The following AK5 variants were observed in gnomAD, a reference collection of about 807,000 sequenced individuals.
AK5 encodes adenylate kinase isoenzyme 5.
In AK5, 27 loss-of-function variants were observed where a neutral mutation model predicts 69.5. That is an observed-to-expected ratio of 0.39 (90% CI 0.29 to 0.54). The LOEUF is 0.54. Ranked by LOEUF, AK5 falls within the 20% of genes least tolerant of loss-of-function variation. AK5 has a pLI of 0.71. For missense variants in AK5, 531 were observed against 700.4 expected, an observed-to-expected ratio of 0.76 and a Z score of 2.73; for synonymous variants, 260 against 244.4, an observed-to-expected ratio of 1.06 and a Z score of -0.60.
intron 12 of AK5, 64 bp from the exon 13 acceptor site, chr1:77,535,783 G>A: frequency 6.7e-7 from 1 of 1,484,824 alleles, no homozygotes; most frequent in South Asian, 1.3e-5. Context: ...AGAGGCCCTG[G>A]GCCTTTCCAG....
chr1:77,331,149 T>C (rs968696512), intron 5 of AK5, among the ~76,000 whole-genome samples: 1 of 152,098 alleles, frequency 6.6e-6, no homozygotes, highest in African/African-American at 2.4e-5. Flanking sequence ...ATATATACAA[T>C]CATATCATAT....
intron 2 of AK5, among the ~76,000 whole-genome samples, chr1:77,292,149 G>A (rs982463067): frequency 6.6e-6 from 1 of 152,200 alleles, no homozygotes; most frequent in Non-Finnish European, 1.5e-5. Context: ...TGCAAATAAA[G>A]TCTTGTGAGT....
intron 12 of AK5, among the ~76,000 whole-genome samples, chr1:77,528,603 C>T (rs1353477192): frequency 6.6e-6 from 1 of 152,172 alleles, no homozygotes; most frequent in Non-Finnish European, 1.5e-5. Flanking sequence ...CTTCTATTCC[C>T]CAAGCTGGTT....
At chr1:77,485,100 T>G (rs1655506371) in intron 9 of AK5, among the ~76,000 whole-genome samples, 1 of 152,252 alleles carries the variant, frequency 6.6e-6, no homozygotes, top group African/African-American at 2.4e-5. Context: ...TTCCACATGT[T>G]AGGAACACCA....
intron 12 of AK5, among the ~76,000 whole-genome samples, chr1:77,527,830 C>T (rs182820235): frequency 6.6e-6 from 1 of 152,288 alleles, no homozygotes; most frequent in Non-Finnish European, 1.5e-5. Flanking sequence ...GAGGCCGAGG[C>T]GGGCAGATCA....
chr1:77,440,853 G>T (rs780546251), intron 8 of AK5, among the ~76,000 whole-genome samples: 3 of 152,092 alleles, frequency 2.0e-5, no homozygotes, highest in Non-Finnish European at 4.4e-5. Flanking sequence ...CCAGGTTTAA[G>T]CTATTCTTCT....
chr1:77,489,255 AG>A (rs60822634), intron 10 of AK5, among the ~76,000 whole-genome samples: 28,316 of 152,140 alleles, frequency 0.19, 2,912 homozygotes, highest in African/African-American at 0.24. Flanking sequence ...TGCTGCACTG[AG>A]CAAAAGATTT....
intron 8 of AK5, among the ~76,000 whole-genome samples, chr1:77,430,356 A>G (rs562420643): frequency 6.6e-6 from 1 of 152,190 alleles, no homozygotes; most frequent in Non-Finnish European, 1.5e-5. Flanking sequence ...TTCAACTGGT[A>G]CAGCTGGGTA....
intron 5 of AK5, among the ~76,000 whole-genome samples, chr1:77,339,058 A>G (rs1661512186): frequency 1.8e-5 from 2 of 114,158 alleles, no homozygotes; most frequent in South Asian, 3.1e-4. Context: ...GTGATATGGG[A>G]AAAAAATCAT....
At chr1:77,319,536 T>C (rs1660414311) in intron 5 of AK5, among the ~76,000 whole-genome samples, 1 of 152,208 alleles carries the variant, frequency 6.6e-6, no homozygotes, top group Non-Finnish European at 1.5e-5. Context: ...CTGGTTTGAT[T>C]CCTCCAGAAT....
At chr1:77,300,626 C>G (rs1034436657) in intron 5 of AK5, among the ~76,000 whole-genome samples, 1 of 152,262 alleles carries the variant, frequency 6.6e-6, no homozygotes, top group Middle Eastern at 3.4e-3. Context: ...CTCCAATTCT[C>G]CAACACCAAC....
rs1230738530 is a variant in AK5 at position 77,554,771 on chromosome 1, A to ATTTT, written c.1621-3816_1621-3813dup. ...CAGGCGCCCGCCACCATGCCCGGCT[A>ATTTT]TTTTTTTTTTTTTTTTTTGTATTTT... is the stretch of plus-strand genomic sequence containing the variant. On this transcript the variant is annotated intron_variant, in intron 13 of 13. Transcript: ENST00000354567. Among the ~76,000 whole-genome samples, 156 of 119,672 alleles carry ATTTT rather than the reference A, an allele frequency of 1.3e-3. 2 individuals carry two copies. Among genetic ancestry groups the ATTTT allele is most frequent in the African/African-American group, 4.4e-3 (135 of 30,982 alleles). 78.5% of individuals were successfully genotyped at this position (119,672 alleles called of 152,430 possible).
chr1:77,475,014 G>C (rs1185568780), intron 8 of AK5, among the ~76,000 whole-genome samples: 2 of 151,388 alleles, frequency 1.3e-5, no homozygotes, highest in African/African-American at 4.9e-5. Flanking sequence ...TGTTTACCAG[G>C]CTGATCTTGA....
intron 13 of AK5, among the ~76,000 whole-genome samples, chr1:77,543,943 A>G (rs1659411320): frequency 6.6e-6 from 1 of 152,202 alleles, no homozygotes; most frequent in African/African-American, 2.4e-5. Context: ...ACACACACAC[A>G]CACACAGTCA....
rs576667588 is a variant in AK5 at position 77,406,806 on chromosome 1, A to G, written c.892-4175A>G. Among the ~76,000 whole-genome samples the G allele has an allele frequency of 2.0e-5, 3 of 152,236 alleles. No individual in the cohort carries two copies. In the South Asian group the frequency reaches 6.2e-4, roughly 32 times the overall value. On this transcript the variant is annotated intron_variant, in intron 6 of 13. Transcript: ENST00000354567. ...TCCTTCAGGCAGACTGGAAAACTTC[A>G]TAATTCACAAAACATGGGGAGAGGC...
intron 10 of AK5, among the ~76,000 whole-genome samples, chr1:77,513,989 C>T (rs1252712068): frequency 6.6e-6 from 1 of 152,228 alleles, no homozygotes; most frequent in African/African-American, 2.4e-5. Flanking sequence ...AATTCCCATA[C>T]AGTCTCTCCC....
intron 6 of AK5, among the ~76,000 whole-genome samples, chr1:77,407,460 T>C (rs895753165): frequency 6.6e-6 from 1 of 152,092 alleles, no homozygotes; most frequent in African/African-American, 2.4e-5. Flanking sequence ...AAATAATCTG[T>C]GGTTACAGAA....
chr1:77,485,729 C>A (rs1299266820), intron 9 of AK5, among the ~76,000 whole-genome samples: 2 of 152,122 alleles, frequency 1.3e-5, no homozygotes, highest in Non-Finnish European at 2.9e-5. Context: ...AAATAGCTTT[C>A]TTTGTGATTC....
At chr1:77,534,494 G>C (rs1658847379) in intron 12 of AK5, among the ~76,000 whole-genome samples, 2 of 152,200 alleles carry the variant, frequency 1.3e-5, no homozygotes, top group Admixed American at 1.3e-4. Context: ...GCGTAACAGT[G>C]AATCGTTAGT....
Sources: allele counts gnomAD v4.1 joint callset (sites outside exome capture counted in the v4.1 genomes callset), GRCh38; gene constraint gnomAD v4.1.1; transcripts MANE v1.5; gene names NCBI Gene and HGNC (gene_info 2026-07-23, HGNC 2026-07-21).